SULT2B1: variants seen among roughly 807,000 people sequenced by gnomAD.
The protein encoded by SULT2B1 is sulfotransferase family 2B member 1.
SULT2B1 carries 16 observed loss-of-function variants against 33.2 expected under a neutral mutation model. The ratio of observed to expected loss-of-function variants is 0.48; its 90% CI spans 0.33 to 0.73. The LOEUF (loss-of-function observed/expected upper bound fraction) is 0.73, where lower values mean the gene tolerates loss of function less well. Among genes scored for constraint, SULT2B1 ranks in the 30% least tolerant of loss-of-function variants. The pLI, the probability that SULT2B1 is intolerant of heterozygous loss-of-function variation, is 0.02. For synonymous variants in SULT2B1, 186 were observed against 200.5 expected, an observed-to-expected ratio of 0.93 and a Z score of 0.61; for missense variants, 500 against 506.0, an observed-to-expected ratio of 0.99 and a Z score of 0.11.
At chr19:48,582,747 G>A (rs577997426) in intron 2 of SULT2B1, among the ~76,000 whole-genome samples, 3 of 152,086 alleles carry the variant, frequency 2.0e-5, no homozygotes, top group Admixed American at 6.6e-5. Context: ...GAAGGCTGAG[G>A]CATGAGAATT....
chr19:48,586,790 T>C (rs982138816), intron 2 of SULT2B1, among the ~76,000 whole-genome samples: 2 of 152,214 alleles, frequency 1.3e-5, no homozygotes, highest in Admixed American at 6.6e-5. Context: ...GGAATCAGTG[T>C]GATAAAATAG....
At chr19:48,567,761 G>A (rs1973264692) in intron 1 of SULT2B1, among the ~76,000 whole-genome samples, 2 of 151,882 alleles carry the variant, frequency 1.3e-5, no homozygotes, top group Admixed American at 1.3e-4. Context: ...CTTGAGCTGA[G>A]GAGTTCAAGA....
At position 48,552,244 on chromosome 19, in the gene SULT2B1, C is replaced by T; in HGVS notation, c.-9C>T. ...CTCGTCCTCCCCTCCCCACCCTCAC[C>T]CACCTGCCATGGACGGGCCCGCCGA... On this transcript the variant is annotated 5_prime_UTR_variant, in exon 1 of 7. Coordinates refer to ENST00000201586, the MANE Select transcript of SULT2B1 (RefSeq NM_177973.2). The surrounding 1 kb of genome is among the most constrained non-coding windows in gnomAD (Gnocchi z 4.8). 1.2e-6 allele frequency: 2 copies of T among 1,613,512 alleles called. No individual in the cohort carries two copies. The highest frequency in any genetic ancestry group is 1.7e-6 in the Non-Finnish European group (2 of 1,179,748).
intron 4 of SULT2B1, 147 bp downstream of exon 4, chr19:48,591,882 C>CGGG: frequency 3.0e-6 from 2 of 664,742 alleles, no homozygotes; most frequent in Non-Finnish European, 4.1e-6. Flanking sequence ...AGCAGGTGGC[C>CGGG]AGGAGAAGAG....
intron 1 of SULT2B1, among the ~76,000 whole-genome samples, chr19:48,573,155 C>CAAAA (rs10589655): frequency 2.5e-5 from 3 of 122,254 alleles, no homozygotes; most frequent in African/African-American, 9.4e-5. Flanking sequence ...GACTCCATCT[C>CAAAA]AAAAAAAAAA....
In SULT2B1 at chr19:48,591,741, G is replaced by A. The variant is rs774775758; in HGVS notation, c.550+6G>A. On this transcript the variant is annotated splice_donor_region_variant and intron_variant, in intron 4 of 6. Coordinates refer to ENST00000201586, the MANE Select transcript of SULT2B1 (RefSeq NM_177973.2). ...GGACTTCCTCAAAGGCGAAGGTGGG[G>A]ACAGGGTAAAGCGGGGCAGGAGGGG... 5 of 1,581,224 alleles carry A rather than the reference G, an allele frequency of 3.2e-6. No individual in the cohort carries two copies. The highest frequency in any genetic ancestry group is 3.4e-6 in the Non-Finnish European group (4 of 1,162,916).
intron 3 of SULT2B1, among the ~76,000 whole-genome samples, 181 bp downstream of exon 3, chr19:48,587,618 G>A (rs1404981156): frequency 6.6e-6 from 1 of 152,166 alleles, no homozygotes; most frequent in Non-Finnish European, 1.5e-5. Flanking sequence ...TTGGCAGGGA[G>A]TGATGGCTCA....
intron 1 of SULT2B1, among the ~76,000 whole-genome samples, chr19:48,574,122 A>G (rs1973369758): frequency 6.6e-6 from 1 of 152,146 alleles, no homozygotes; most frequent in African/African-American, 2.4e-5. Context: ...TTGGCCTCCC[A>G]AAGTGCTGGG....
At chr19:48,571,186 AATTT>A (rs745593519) in intron 1 of SULT2B1, among the ~76,000 whole-genome samples, 1 of 144,586 alleles carries the variant, frequency 6.9e-6, no homozygotes. Context: ...ATGCCTGGCT[AATTT>A]ATTTATTTAT....
chr19:48,599,269 C>A lies in SULT2B1; in HGVS notation c.961C>A (p.Pro321Thr), dbSNP rs570769125. The A allele has an allele frequency of 6.2e-7, 1 of 1,611,138 alleles. No homozygotes were observed. The highest frequency in any genetic ancestry group is 1.1e-5 in the South Asian group (1 of 90,560). Reference sequence around the variant, plus strand: ...CCCGGAGGAGGACGGCAGCCCAGATCCTGAGCCCAGCCCTGAGCCTGAGCC... The same window carrying A: ...CCCGGAGGAGGACGGCAGCCCAGATACTGAGCCCAGCCCTGAGCCTGAGCC... ...EDPEEDGSPD[P>T]EPSPEPEPKP... The change falls in exon 7 of 7, where the codon CCT (proline) becomes ACT (threonine). Residue 321 changes from proline to threonine, a missense_variant. Pro to Thr is a conservative substitution (Grantham distance 38). Transcript: ENST00000201586. The surrounding 1 kb of genome is among the most constrained non-coding windows in gnomAD (Gnocchi z 4.1).
chr19:48,593,943 C>T (rs570705868), intron 5 of SULT2B1, among the ~76,000 whole-genome samples: 2 of 151,858 alleles, frequency 1.3e-5, no homozygotes, highest in East Asian at 2.0e-4. Flanking sequence ...TGGTCGGCCC[C>T]GCCAACTAGT....
chr19:48,597,647 C>CATTTTTCTTT (rs1973737805), intron 6 of SULT2B1, among the ~76,000 whole-genome samples: 2 of 15,776 alleles, frequency 1.3e-4, no homozygotes, highest in Non-Finnish European at 2.4e-4. Flanking sequence ...CCGGCCTTTT[C>CATTTTTCTTT]TTTTTTCTTT....
In SULT2B1 at chr19:48,591,645, G is replaced by A. The variant is rs1212741560; in HGVS notation, c.460G>A (p.Val154Ile). Residue 154 changes from valine (V) to isoleucine (I), a missense_variant, in exon 4 of 7, where the codon GTC (valine) becomes ATC (isoleucine). Val to Ile is a conservative substitution (Grantham distance 29). Transcript: ENST00000201586. ...GGGCCGCAACCCCCGGGACGTTGTG[G>A]TCTCCCTCTATCATTACTCCAAGAT... Reference protein sequence around the residue: ...YMGRNPRDVVVSLYHYSKIAG... With the variant: ...YMGRNPRDVVISLYHYSKIAG... 1.2e-6 allele frequency: 2 copies of A among 1,613,434 alleles called. No homozygotes were observed. Among genetic ancestry groups the A allele is most frequent in the Admixed American group, 1.7e-5 (1 of 59,952 alleles).
intron 1 of SULT2B1, among the ~76,000 whole-genome samples, chr19:48,566,984 T>C (rs541595432): frequency 1.3e-5 from 2 of 151,782 alleles, no homozygotes; most frequent in Non-Finnish European, 2.9e-5. Flanking sequence ...ACCTGGGCGA[T>C]AGAGCAAGAC....
intron 1 of SULT2B1, among the ~76,000 whole-genome samples, chr19:48,553,763 C>A (rs1973057566): frequency 6.6e-6 from 1 of 152,166 alleles, no homozygotes; most frequent in African/African-American, 2.4e-5. Flanking sequence ...TTCCTGATGT[C>A]TCTGGGCCTC....
Position 48,564,993 on chromosome 19 carries a change from A to T in SULT2B1, c.72-10948A>T, listed in dbSNP as rs200499921. Among the ~76,000 whole-genome samples the T allele has an allele frequency of 2.0e-5, 3 of 151,944 alleles. No individual in the cohort carries two copies. The East Asian group carries it at 5.8e-4, about 29-fold the overall frequency. On this transcript the variant is annotated intron_variant, in intron 1 of 6. Coordinates refer to ENST00000201586, the MANE Select transcript of SULT2B1 (RefSeq NM_177973.2). Reference sequence around the variant, plus strand: ...TTTAGTACAGATTGTGTTTCACTATATTGGTCAGGCTGGTCTTGAATGCCT... The same window carrying T: ...TTTAGTACAGATTGTGTTTCACTATTTTGGTCAGGCTGGTCTTGAATGCCT...
intron 6 of SULT2B1, 93 bp downstream of exon 6, chr19:48,597,012 A>C (rs1973726581): frequency 6.8e-6 from 9 of 1,325,666 alleles, no homozygotes; most frequent in Non-Finnish European, 9.2e-6. Flanking sequence ...TCAGTTTCTC[A>C]CCCAGCTGTA....
intron 2 of SULT2B1, among the ~76,000 whole-genome samples, chr19:48,583,263 A>G (rs1353761459): frequency 6.6e-6 from 1 of 152,150 alleles, no homozygotes; most frequent in South Asian, 2.1e-4. Context: ...TACAGCTGCT[A>G]TGGAAAACAG....
rs151337983 is a variant in SULT2B1, at chr19:48,563,825, C to T, written c.71+11502C>T. 3.0e-3 allele frequency among the ~76,000 whole-genome samples: 457 copies of T among 152,104 alleles called. 1 individual carries two copies. The highest frequency in any genetic ancestry group is 0.011 in the African/African-American group (445 of 41,502). ...ACTAAAAATACAAAAATTAGCTGGG[C>T]GTGTTGGCACATGCCTGTAATCCCA... On this transcript the variant is annotated intron_variant, in intron 1 of 6. Coordinates refer to ENST00000201586, the MANE Select transcript of SULT2B1 (RefSeq NM_177973.2).
Sources: allele counts gnomAD v4.1 joint callset (sites outside exome capture counted in the v4.1 genomes callset), GRCh38; gene constraint gnomAD v4.1.1; non-coding constraint Gnocchi (gnomAD v3.1); transcripts MANE v1.5; gene names NCBI Gene and HGNC (gene_info 2026-07-23, HGNC 2026-07-21).